KCNB2: variants seen among roughly 807,000 people sequenced by gnomAD.
The protein encoded by KCNB2 is potassium voltage-gated channel subfamily B member 2.
KCNB2 carries 15 observed loss-of-function variants against 61.5 expected under a neutral mutation model. That is an observed-to-expected ratio of 0.24 (90% confidence interval 0.16 to 0.38). KCNB2 has a LOEUF of 0.38. Ranked by LOEUF, KCNB2 falls within the 10% of genes least tolerant of loss-of-function variation. KCNB2 has a pLI of 1.00. For missense variants in KCNB2, 828 were observed against 1,125.2 expected, an observed-to-expected ratio of 0.74 and a Z score of 3.78; for synonymous variants, 457 against 446.0, an observed-to-expected ratio of 1.02 and a Z score of -0.31.
intron 2 of KCNB2, among the ~76,000 whole-genome samples, chr8:72,610,714 C>T (rs141629641): frequency 3.3e-5 from 5 of 152,210 alleles, no homozygotes; most frequent in African/African-American, 4.8e-5. Context: ...GGAATTCAGA[C>T]ATCATTAAAT....
intron 2 of KCNB2, among the ~76,000 whole-genome samples, chr8:72,581,182 A>G (rs1420084017): frequency 6.6e-6 from 1 of 152,134 alleles, no homozygotes; most frequent in African/African-American, 2.4e-5. Context: ...AATGTGCCTC[A>G]TATACGAGCT....
At chr8:72,860,476 G>A (rs968865261) in intron 2 of KCNB2, among the ~76,000 whole-genome samples, 2 of 152,134 alleles carry the variant, frequency 1.3e-5, no homozygotes, top group Non-Finnish European at 2.9e-5. Context: ...TTGTATTAAA[G>A]CCTGTTTAAA....
intron 2 of KCNB2, among the ~76,000 whole-genome samples, chr8:72,606,417 A>T (rs935306800): frequency 6.6e-6 from 1 of 152,350 alleles, no homozygotes; most frequent in East Asian, 1.9e-4. Context: ...TAATATTTTT[A>T]AAAATGGGAA....
intron 1 of KCNB2, among the ~76,000 whole-genome samples, chr8:72,539,458 A>G (rs534953492): frequency 1.3e-5 from 2 of 152,316 alleles, no homozygotes; most frequent in South Asian, 4.1e-4. Context: ...GTTTATCACA[A>G]ATAGAATTCT....
intron 2 of KCNB2, among the ~76,000 whole-genome samples, chr8:72,709,418 G>T (rs1405957459): frequency 1.3e-5 from 2 of 151,882 alleles, no homozygotes; most frequent in Non-Finnish European, 1.5e-5. Context: ...TGAAGAAAGA[G>T]ATTTAATTGG....
rs904311278 is a variant in KCNB2, at chr8:72,633,791, A to T, written c.579+65478A>T. Among the ~76,000 whole-genome samples the T allele has an allele frequency of 2.4e-4, 37 of 152,176 alleles. 1 individual carries two copies. On this transcript the variant is annotated intron_variant, in intron 2 of 2. Transcript: ENST00000523207. ...AGCCACCACAGCTGAAAGCATTTAT[A>T]CTTAGTTATTTCATACAGCTGTGTT...
intron 2 of KCNB2, among the ~76,000 whole-genome samples, chr8:72,798,950 C>G (rs1353249764): frequency 6.6e-6 from 1 of 152,142 alleles, no homozygotes; most frequent in East Asian, 1.9e-4. Context: ...CCTTGACTGC[C>G]AAGCCTCTCC....
chr8:72,630,438 A>T (rs991473012), intron 2 of KCNB2, among the ~76,000 whole-genome samples: 3 of 152,162 alleles, frequency 2.0e-5, no homozygotes, highest in African/African-American at 7.2e-5. Context: ...TATGTTTAGT[A>T]CAATTTATAT....
intron 2 of KCNB2, among the ~76,000 whole-genome samples, chr8:72,575,465 C>T (rs959095850): frequency 6.6e-6 from 1 of 151,990 alleles, no homozygotes; most frequent in African/African-American, 2.4e-5. Flanking sequence ...ATTTTATAGA[C>T]ATATTTGGCA....
intron 2 of KCNB2, among the ~76,000 whole-genome samples, chr8:72,693,891 A>G (rs1806978030): frequency 6.6e-6 from 1 of 152,208 alleles, no homozygotes; most frequent in Non-Finnish European, 1.5e-5. Flanking sequence ...CTCAAACATA[A>G]TACTGTGCCT....
intron 2 of KCNB2, among the ~76,000 whole-genome samples, chr8:72,659,951 A>G (rs1440356): frequency 0.016 from 2,448 of 152,292 alleles, 70 homozygotes; most frequent in African/African-American, 0.056. Context: ...GTGATCTGCA[A>G]CTTAACCTGC....
intron 2 of KCNB2, among the ~76,000 whole-genome samples, chr8:72,591,282 CAGA>C (rs1458482980): frequency 6.6e-6 from 1 of 152,132 alleles, no homozygotes; most frequent in African/African-American, 2.4e-5. Context: ...CAAATAAGCA[CAGA>C]TTTCTATAGT....
intron 2 of KCNB2, among the ~76,000 whole-genome samples, chr8:72,817,154 T>C (rs1450601065): frequency 1.3e-5 from 2 of 152,138 alleles, no homozygotes; most frequent in African/African-American, 4.8e-5. Context: ...CTTTAAAGGG[T>C]TTTGAATGAA....
chr8:72,543,575 A>C (rs1198854207), intron 1 of KCNB2, among the ~76,000 whole-genome samples: 5 of 152,224 alleles, frequency 3.3e-5, no homozygotes, highest in Non-Finnish European at 7.3e-5. Flanking sequence ...ATAACTTCCC[A>C]AAATCGTGAG....
At chr8:72,727,967 C>T (rs1425997050) in intron 2 of KCNB2, among the ~76,000 whole-genome samples, 2 of 152,068 alleles carry the variant, frequency 1.3e-5, no homozygotes. Flanking sequence ...AATTATATAT[C>T]CAAAAATGCA....
At position 72,720,609 on chromosome 8, in the gene KCNB2, T is replaced by TTGTCTGCAC. The variant is rs1366459342; in HGVS notation, c.579+152298_579+152306dup. 4.6e-5 allele frequency among the ~76,000 whole-genome samples: 7 copies of TTGTCTGCAC among 152,320 alleles called. No individual in the cohort carries two copies. In the East Asian group the frequency reaches 1.4e-3, roughly 29 times the overall value. ...CTTCATCATAGTGCATTACACTTAG[T>TTGTCTGCAC]TGTCTGCACTCTCTCCCCTACTCAG... On this transcript the variant is annotated intron_variant, in intron 2 of 2. Coordinates refer to ENST00000523207, the MANE Select transcript of KCNB2 (RefSeq NM_004770.3).
intron 2 of KCNB2, among the ~76,000 whole-genome samples, chr8:72,813,369 G>A (rs779513760): frequency 6.6e-6 from 1 of 151,650 alleles, no homozygotes; most frequent in Non-Finnish European, 1.5e-5. Context: ...GACTTAAAAC[G>A]CAGCTGCCCC....
chr8:72,862,664 C>G (rs1186495986), intron 2 of KCNB2, among the ~76,000 whole-genome samples: 1 of 152,182 alleles, frequency 6.6e-6, no homozygotes, highest in Non-Finnish European at 1.5e-5. Context: ...AGCTGGCACT[C>G]AGTAAATGAA....
intron 1 of KCNB2, among the ~76,000 whole-genome samples, chr8:72,555,167 T>C (rs1806403967): frequency 6.6e-6 from 1 of 152,038 alleles, no homozygotes; most frequent in Admixed American, 6.6e-5. Context: ...TGAGCCTCAG[T>C]TTCTTAACCT....
Sources: gnomAD v4.1 joint callset for allele counts (sites outside exome capture counted in the v4.1 genomes callset) on GRCh38, gnomAD v4.1.1 for gene constraint, MANE v1.5 for transcripts, NCBI Gene and HGNC (gene_info 2026-07-23, HGNC 2026-07-21) for gene names.